The following PHF20 variants were observed in gnomAD, a reference collection of about 807,000 sequenced individuals.
PHF20 encodes the protein PHD finger protein 20, also known as glioma-expressed antigen 2.
PHF20 carries 23 observed loss-of-function variants against 113.5 expected under a neutral mutation model. The ratio of observed to expected loss-of-function variants is 0.20; its 90% CI spans 0.15 to 0.29. The LOEUF (loss-of-function observed/expected upper bound fraction) is 0.29, where lower values mean the gene tolerates loss of function less well. Ranked by LOEUF, PHF20 falls within the 10% of genes least tolerant of loss-of-function variation. The probability of loss-of-function intolerance (pLI) is 1.00; values close to 1 mark genes in which losing one functional copy is unlikely to be tolerated. For synonymous variants in PHF20, 434 were observed against 457.3 expected, an observed-to-expected ratio of 0.95 and a Z score of 0.65; for missense variants, 943 against 1,219.6, an observed-to-expected ratio of 0.77 and a Z score of 3.38.
Position 35,772,377 on chromosome 20 carries a change from G to T in PHF20, c.-33+298G>T, listed in dbSNP as rs183023148. 1.4e-3 allele frequency among the ~76,000 whole-genome samples: 211 copies of T among 152,078 alleles called. 1 individual carries two copies. Among genetic ancestry groups the T allele is most frequent in the African/African-American group, 4.8e-3 (201 of 41,554 alleles). On this transcript the variant is annotated intron_variant, in intron 1 of 17. Coordinates refer to ENST00000374012, the MANE Select transcript of PHF20 (RefSeq NM_016436.5). Reference sequence around the variant, plus strand: ...CTGGGCCGTGGGGTGCGGGCCCGGGGCGCGGAGCGGGCCGTGTTGGGGGTG... The same window carrying T: ...CTGGGCCGTGGGGTGCGGGCCCGGGTCGCGGAGCGGGCCGTGTTGGGGGTG...
At chr20:35,874,544 C>T (rs1420865703) in intron 9 of PHF20, among the ~76,000 whole-genome samples, 1 of 151,854 alleles carries the variant, frequency 6.6e-6, no homozygotes, top group African/African-American at 2.4e-5. Context: ...AGTGCAGTGG[C>T]ACAATCACAG....
At chr20:35,801,765 C>T in intron 2 of PHF20, 160 bp downstream of exon 2, 1 of 569,550 alleles carries the variant, frequency 1.8e-6, no homozygotes, top group Non-Finnish European at 3.2e-6. Flanking sequence ...GCAGGGATCC[C>T]AGTGTCAGGG....
intron 1 of PHF20, among the ~76,000 whole-genome samples, chr20:35,793,580 G>A (rs1251980039): frequency 3.3e-5 from 5 of 151,396 alleles, no homozygotes; most frequent in African/African-American, 9.7e-5. Flanking sequence ...GATTACAGGC[G>A]TGAGCCATTG....
chr20:35,945,506 G>A (rs2056069186), intron 17 of PHF20, among the ~76,000 whole-genome samples: 1 of 152,178 alleles, frequency 6.6e-6, no homozygotes, highest in African/African-American at 2.4e-5. Flanking sequence ...TGGAGAGGAA[G>A]GTAGGGCTGC....
rs768125992 is a variant in PHF20, at chr20:35,801,593, G to A, written c.71G>A (p.Arg24His). ...EVGAQLEARD[R>H]LKNWYPAHIE... ...GGAGCCCAGTTGGAAGCCCGGGACCGTTTAAAAAACTGGTACTTTTACATT... is the reference window on the plus strand; with the variant it reads ...GGAGCCCAGTTGGAAGCCCGGGACCATTTAAAAAACTGGTACTTTTACATT... Residue 24 changes from arginine to histidine, a missense_variant, in exon 2 of 18, where the codon CGT (arginine) becomes CAT (histidine). Around this residue, in one of 3 missense-constraint regions of PHF20, gnomAD observed 592 missense variants for 787.2 expected, o/e 0.75. Coordinates refer to ENST00000374012, the MANE Select transcript of PHF20 (RefSeq NM_016436.5). The A allele has an allele frequency of 1.8e-5, 29 of 1,609,880 alleles. No homozygotes were observed. Among genetic ancestry groups the A allele is most frequent in the Middle Eastern group, 1.6e-4 (1 of 6,072 alleles).
At chr20:35,889,821 A>G (rs927103228) in intron 9 of PHF20, among the ~76,000 whole-genome samples, 3 of 151,576 alleles carry the variant, frequency 2.0e-5, no homozygotes, top group African/African-American at 7.3e-5. Context: ...CTCTGTCCCC[A>G]GGTTCAAGTG....
chr20:35,941,643 A>T (rs2055982007), intron 17 of PHF20, among the ~76,000 whole-genome samples: 1 of 152,196 alleles, frequency 6.6e-6, no homozygotes, highest in African/African-American at 2.4e-5. Flanking sequence ...TTGTTGAAAT[A>T]TTCCCTAATT....
intron 9 of PHF20, among the ~76,000 whole-genome samples, chr20:35,877,335 A>C (rs1229095964): frequency 1.3e-5 from 2 of 149,442 alleles, no homozygotes; most frequent in Non-Finnish European, 3.0e-5. Flanking sequence ...AAAAAAAAAA[A>C]GTTTGGAGGT....
intron 17 of PHF20, among the ~76,000 whole-genome samples, chr20:35,947,282 G>T (rs899613135): frequency 6.6e-6 from 1 of 152,156 alleles, no homozygotes; most frequent in African/African-American, 2.4e-5. Context: ...TTTGTGTTTT[G>T]TCCTGGGAGT....
intron 1 of PHF20, among the ~76,000 whole-genome samples, chr20:35,778,556 C>T (rs183427676): frequency 6.6e-6 from 1 of 152,108 alleles, no homozygotes; most frequent in East Asian, 1.9e-4. Context: ...TCAAGACCAG[C>T]CTGGCTAACA....
chr20:35,839,390 CAAAA>C (rs752680212), intron 2 of PHF20, among the ~76,000 whole-genome samples: 1 of 67,922 alleles, frequency 1.5e-5, no homozygotes, highest in African/African-American at 5.4e-5. Context: ...GATTCCATCT[CAAAA>C]AAAAAAAAAA....
At chr20:35,903,077 C>CCTTTCTTTT (rs1555799692) in intron 10 of PHF20, among the ~76,000 whole-genome samples, 1 of 60,004 alleles carries the variant, frequency 1.7e-5, no homozygotes, top group African/African-American at 6.7e-5. Context: ...CCTATCCTTT[C>CCTTTCTTTT]TTTTTTTTTT....
At chr20:35,894,779 C>T (rs138811217) in intron 9 of PHF20, among the ~76,000 whole-genome samples, 2 of 152,248 alleles carry the variant, frequency 1.3e-5, no homozygotes, top group Non-Finnish European at 2.9e-5. Flanking sequence ...ATAGGCTGTC[C>T]AGCTGCAGAA....
At chr20:35,789,382 G>GTGC in intron 1 of PHF20, among the ~76,000 whole-genome samples, 1 of 148,054 alleles carries the variant, frequency 6.8e-6, no homozygotes, top group East Asian at 2.1e-4. Context: ...AGTGAGCCAA[G>GTGC]ATTGTGCCAT....
rs75294388 is a variant in PHF20 at position 35,784,085 on chromosome 20, G to T, written c.-33+12006G>T. On this transcript the variant is annotated intron_variant, in intron 1 of 17. Coordinates refer to ENST00000374012, the MANE Select transcript of PHF20 (RefSeq NM_016436.5). ...TTTTTTTTTTTTGAGACAGTGTATC[G>T]CTCTGTCCCCCAGGCTGGAGTGCAG... Among the ~76,000 whole-genome samples, 1,428 of 147,224 alleles carry T rather than the reference G, an allele frequency of 9.7e-3. 16 individuals carry two copies. Among genetic ancestry groups the T allele is most frequent in the East Asian group, 0.041 (199 of 4,892 alleles).
At chr20:35,923,364 G>C (rs1405787112) in intron 13 of PHF20, among the ~76,000 whole-genome samples, 2 of 152,160 alleles carry the variant, frequency 1.3e-5, no homozygotes, top group Non-Finnish European at 2.9e-5. Context: ...ACTTTGGAAG[G>C]CTGAAGCGGA....
Position 35,871,784 on chromosome 20 carries a change from C to T in PHF20, c.1237C>T (p.Pro413Ser), listed in dbSNP as rs140335933. 3,378 of 1,612,862 alleles carry T rather than the reference C, an allele frequency of 2.1e-3. 6 individuals are homozygous for T. The highest frequency in any genetic ancestry group is 3.2e-3 in the Middle Eastern group (19 of 5,924). The change falls in exon 9 of 18, where the codon CCG (proline) becomes TCG (serine). Residue 413 changes from proline (P) to serine (S), a missense_variant. By Grantham distance (74) the Pro-to-Ser change is moderately conservative. Transcript: ENST00000374012. ...SMGENTMKTE[P>S]TSPLVELQEI... is the part of the protein sequence containing the mutation. The stretch of plus-strand genomic sequence containing the variant: ...GGGAGAAAACACGATGAAAACAGAA[C>T]CGACTTCTCCCCTTGTGGAATTACA...
chr20:35,807,266 T>G (rs1331074050), intron 2 of PHF20, among the ~76,000 whole-genome samples: 1 of 152,166 alleles, frequency 6.6e-6, no homozygotes, highest in East Asian at 1.9e-4. Context: ...AGTGATGTTT[T>G]ATAACCTCCA....
At position 35,900,992 on chromosome 20, in the gene PHF20, G is replaced by C. The variant is rs570113932; in HGVS notation, c.1561+1344G>C. Among the ~76,000 whole-genome samples the C allele has an allele frequency of 1.2e-3, 179 of 152,308 alleles. 1 individual carries two copies. Among genetic ancestry groups the C allele is most frequent in the Non-Finnish European group, 2.2e-3 (147 of 68,016 alleles). On this transcript the variant is annotated intron_variant, in intron 10 of 17. Coordinates refer to ENST00000374012, the MANE Select transcript of PHF20 (RefSeq NM_016436.5). ...GGTGGGTAGGACTGGAAACTGGGCA[G>C]GAGGGAGTCTTCTAGGGCTCCGAAA...
Sources: gnomAD v4.1 joint callset for allele counts (sites outside exome capture counted in the v4.1 genomes callset) on GRCh38, gnomAD v4.1.1 for gene constraint, gnomAD v4.1.1 regional missense constraint, MANE v1.5 for transcripts, NCBI Gene and HGNC (gene_info 2026-07-23, HGNC 2026-07-21) for gene names.